Variants in IQCM observed in about 807,000 individuals in gnomAD.
The protein encoded by IQCM is IQ motif containing M, also known as IQ domain-containing protein M.
Under a neutral mutation model 57.6 loss-of-function variants are expected in IQCM, and 45 were observed. The ratio of observed to expected loss-of-function variants is 0.78; its 90% CI spans 0.62 to 1.00. The LOEUF (loss-of-function observed/expected upper bound fraction) is 1.00. IQCM is among the 50% of genes least tolerant of loss of function. The pLI is 0.00. For synonymous variants in IQCM, 148 were observed against 158.9 expected (o/e 0.93, Z 0.51); for missense variants, 468 against 511.6 (o/e 0.91, Z 0.82).
intron 13 of IQCM, among the ~76,000 whole-genome samples, chr4:149,357,206 G>C (rs7660591): frequency 0.18 from 27,575 of 152,050 alleles, 3,001 homozygotes; most frequent in Non-Finnish European, 0.25. Flanking sequence ...GACAATTTGA[G>C]TTCCTCTTTT....
chr4:149,562,878 C>T (rs1232710323), intron 10 of IQCM, among the ~76,000 whole-genome samples: 1 of 152,204 alleles, frequency 6.6e-6, no homozygotes, highest in African/African-American at 2.4e-5. Flanking sequence ...AGGATGCCCA[C>T]TGCAAATCTA....
intron 9 of IQCM, 111 bp from the exon 10 acceptor site, chr4:149,564,001 C>A: frequency 1.9e-6 from 1 of 515,558 alleles, no homozygotes; most frequent in Non-Finnish European, 3.0e-6. Flanking sequence ...TATATTATAA[C>A]TTGTACATAG....
intron 2 of IQCM, among the ~76,000 whole-genome samples, chr4:149,811,984 C>T (rs1258142728): frequency 6.6e-6 from 1 of 152,120 alleles, no homozygotes; most frequent in Non-Finnish European, 1.5e-5. Flanking sequence ...GATAGAAGGG[C>T]CTTCTAAGAG....
intron 12 of IQCM, among the ~76,000 whole-genome samples, chr4:149,505,811 T>C (rs1360150149): frequency 1.3e-5 from 2 of 152,196 alleles, no homozygotes. Flanking sequence ...GGTTGTTACT[T>C]TTCCCCACAT....
intron 12 of IQCM, among the ~76,000 whole-genome samples, chr4:149,489,792 C>T (rs1039158691): frequency 1.1e-4 from 16 of 151,290 alleles, no homozygotes; most frequent in African/African-American, 3.6e-4. Flanking sequence ...TATATACACA[C>T]ACACATATAT....
chr4:149,609,279 T>G (rs1472083851), intron 8 of IQCM, among the ~76,000 whole-genome samples: 1 of 151,796 alleles, frequency 6.6e-6, no homozygotes, highest in Non-Finnish European at 1.5e-5. Flanking sequence ...GTCCAGGACC[T>G]GATGGCTTCA....
At chr4:149,515,331 G>A (rs1744846064) in intron 12 of IQCM, among the ~76,000 whole-genome samples, 1 of 152,100 alleles carries the variant, frequency 6.6e-6, no homozygotes. Context: ...GACCCATAAA[G>A]TGGGTTGTGC....
chr4:149,669,748 G>T (rs1579934099), intron 7 of IQCM, among the ~76,000 whole-genome samples: 2 of 152,136 alleles, frequency 1.3e-5, no homozygotes, highest in East Asian at 1.9e-4. Flanking sequence ...TTTCCCCATT[G>T]CTTGTTTTTG....
intron 13 of IQCM, among the ~76,000 whole-genome samples, chr4:149,388,122 T>C (rs1478858014): frequency 6.6e-6 from 1 of 151,896 alleles, no homozygotes; most frequent in East Asian, 1.9e-4. Context: ...TTGGGAGCTA[T>C]TATGGATAAT....
chr4:149,498,704 C>T (rs1303399999), intron 12 of IQCM, among the ~76,000 whole-genome samples: 5 of 152,024 alleles, frequency 3.3e-5, no homozygotes, highest in African/African-American at 7.2e-5. Flanking sequence ...ATCTACATTC[C>T]TCTTCTCCCT....
intron 12 of IQCM, among the ~76,000 whole-genome samples, chr4:149,466,876 A>G (rs1738908774): frequency 6.6e-6 from 1 of 152,076 alleles, no homozygotes; most frequent in Non-Finnish European, 1.5e-5. Flanking sequence ...CAGAAATAAA[A>G]CCTTCTTGCT....
chr4:149,534,874 A>G (rs926745147), intron 12 of IQCM, among the ~76,000 whole-genome samples: 4 of 152,154 alleles, frequency 2.6e-5, no homozygotes, highest in Admixed American at 2.6e-4. Context: ...AGCTTTTAGC[A>G]TAAACAATTG....
chr4:149,508,537 T>G (rs956776842), intron 12 of IQCM, among the ~76,000 whole-genome samples: 9 of 152,220 alleles, frequency 5.9e-5, no homozygotes, highest in Non-Finnish European at 1.2e-4. Context: ...GCATGGGGCC[T>G]GTAGCCCCTC....
At chr4:149,655,901 A>G (rs997825013) in intron 7 of IQCM, among the ~76,000 whole-genome samples, 1 of 152,190 alleles carries the variant, frequency 6.6e-6, no homozygotes. Context: ...TAAAACTGAA[A>G]TGGTTTGATA....
In IQCM at chr4:149,689,382, G is replaced by C. The variant is rs1454331225; in HGVS notation, c.386-2914C>G. ...AATAAGAACACATGGACACAGAGAGGGGAACATCACACTATGGGGCCTGTG... is the reference window on the plus strand; with the variant it reads ...AATAAGAACACATGGACACAGAGAGCGGAACATCACACTATGGGGCCTGTG... On this transcript the variant is annotated intron_variant, in intron 5 of 13. Transcript: ENST00000636793. Among the ~76,000 whole-genome samples the C allele has an allele frequency of 2.0e-5, 3 of 152,008 alleles. No homozygotes were observed. In the East Asian group the frequency reaches 5.8e-4, roughly 29 times the overall value.
At chr4:149,598,833 C>G (rs938832901) in intron 8 of IQCM, among the ~76,000 whole-genome samples, 1 of 152,116 alleles carries the variant, frequency 6.6e-6, no homozygotes, top group Non-Finnish European at 1.5e-5. Context: ...AAAGTTGAAC[C>G]TATGCTCACT....
chr4:149,710,486 T>C (rs1454462556), intron 5 of IQCM, among the ~76,000 whole-genome samples: 3 of 152,100 alleles, frequency 2.0e-5, no homozygotes, highest in South Asian at 4.1e-4. Flanking sequence ...TCACCTTCTT[T>C]ATAGAAACAG....
intron 2 of IQCM, among the ~76,000 whole-genome samples, chr4:149,746,614 T>C (rs1051169267): frequency 1.3e-5 from 2 of 152,178 alleles, no homozygotes; most frequent in Non-Finnish European, 2.9e-5. Context: ...GTGATAAGCA[T>C]AGTACTGCCA....
intron 7 of IQCM, among the ~76,000 whole-genome samples, chr4:149,672,858 T>G (rs1761423095): frequency 6.6e-6 from 1 of 151,876 alleles, no homozygotes; most frequent in Non-Finnish European, 1.5e-5. Flanking sequence ...AAGGAAAAAA[T>G]GTTAAGGGCA....
Sources: gnomAD v4.1 joint callset for allele counts (sites outside exome capture counted in the v4.1 genomes callset) on GRCh38, gnomAD v4.1.1 for gene constraint, MANE v1.5 for transcripts, NCBI Gene and HGNC (gene_info 2026-07-23, HGNC 2026-07-21) for gene names.